Variants in NTM observed in about 807,000 individuals in gnomAD.
NTM encodes IgLON family member 2.
Under a neutral mutation model 42.1 loss-of-function variants are expected in NTM, and 13 were observed. The observed-to-expected ratio is 0.31, with a 90% CI of 0.20 to 0.49. The LOEUF is 0.49. Among genes scored for constraint, NTM ranks in the 20% least tolerant of loss-of-function variants. The pLI is 0.99. For synonymous variants in NTM, 187 were observed against 179.2 expected (o/e 1.04, Z -0.35); for missense variants, 373 against 452.8 (o/e 0.82, Z 1.60).
chr11:132,209,111 G>A (rs2082430374), intron 3 of NTM, among the ~76,000 whole-genome samples: 1 of 152,172 alleles, frequency 6.6e-6, no homozygotes, highest in Non-Finnish European at 1.5e-5. Flanking sequence ...ACATCAAAGT[G>A]TCTATTTTTG....
At position 132,002,865 on chromosome 11, in the gene NTM, C is replaced by T. The variant is rs1004294942; in HGVS notation, c.167+91217C>T. Among the ~76,000 whole-genome samples the T allele has an allele frequency of 2.7e-5, 4 of 148,648 alleles. No homozygotes were observed. The highest frequency in any genetic ancestry group is 5.9e-5 in the Non-Finnish European group (4 of 68,038). ...TTAAAGTCCTAGAACAAAGCCTGCACATAGCAAGCTCTTAGCCAATGTTAG... is the reference window on the plus strand; with the variant it reads ...TTAAAGTCCTAGAACAAAGCCTGCATATAGCAAGCTCTTAGCCAATGTTAG... On this transcript the variant is annotated intron_variant, in intron 2 of 8. Coordinates refer to ENST00000683400, the MANE Select transcript of NTM (RefSeq NM_001352005.2). The surrounding 1 kb of genome is among the most constrained non-coding windows in gnomAD (Gnocchi z 4.5).
chr11:132,113,617 G>C (rs937230106), intron 2 of NTM, among the ~76,000 whole-genome samples: 1 of 152,206 alleles, frequency 6.6e-6, no homozygotes, highest in African/African-American at 2.4e-5. Flanking sequence ...TGGGATGTGA[G>C]AGGCACTCCC....
At chr11:131,995,314 C>T (rs554157207) in intron 2 of NTM, among the ~76,000 whole-genome samples, 1 of 152,218 alleles carries the variant, frequency 6.6e-6, no homozygotes, top group African/African-American at 2.4e-5. Flanking sequence ...GATGCAAGCA[C>T]CCTTGCTCTG....
rs574751555 is a variant in NTM, at chr11:131,513,216, C to T, written c.82+142328C>T. Among the ~76,000 whole-genome samples the T allele has an allele frequency of 2.0e-5, 3 of 152,336 alleles. No homozygotes were observed. In the South Asian group the frequency reaches 6.2e-4, roughly 32 times the overall value. The stretch of plus-strand genomic sequence containing the variant: ...GCAAAGTGAGATCAATTCTTTCCAC[C>T]AGTAGATCCTGCTTTCCAGACAAAA... On this transcript the variant is annotated intron_variant, in intron 1 of 8. Transcript: ENST00000683400.
chr11:132,055,508 C>T (rs1434493897), intron 2 of NTM, among the ~76,000 whole-genome samples: 1 of 152,122 alleles, frequency 6.6e-6, no homozygotes, highest in Non-Finnish European at 1.5e-5. Context: ...GCACATTAAC[C>T]CTGTGGCATC....
chr11:131,732,938 ATTAT>A (rs1278942748), intron 1 of NTM, among the ~76,000 whole-genome samples: 4 of 152,168 alleles, frequency 2.6e-5, no homozygotes, highest in Admixed American at 6.5e-5. Flanking sequence ...GTCAGTGATT[ATTAT>A]TTATTAATTT....
At chr11:131,473,493 C>T (rs1952641780) in intron 1 of NTM, among the ~76,000 whole-genome samples, 2 of 152,282 alleles carry the variant, frequency 1.3e-5, no homozygotes, top group South Asian at 2.1e-4. Flanking sequence ...GGCAATACCA[C>T]ACGTAAAGAT....
chr11:131,553,405 G>A (rs975742440), intron 1 of NTM, among the ~76,000 whole-genome samples: 5 of 152,124 alleles, frequency 3.3e-5, no homozygotes, highest in African/African-American at 4.8e-5. Context: ...GACTTACCAC[G>A]CAGCTTCACC....
At chr11:132,044,995 GAAA>G (rs1441389025) in intron 2 of NTM, among the ~76,000 whole-genome samples, 1 of 152,142 alleles carries the variant, frequency 6.6e-6, no homozygotes, top group Non-Finnish European at 1.5e-5. Flanking sequence ...CCAAAAAATT[GAAA>G]AGAAGGGGAC....
intron 1 of NTM, among the ~76,000 whole-genome samples, chr11:131,616,522 G>A (rs551805985): frequency 2.8e-4 from 43 of 152,164 alleles, no homozygotes; most frequent in Non-Finnish European, 4.9e-4. Context: ...CTGGCTCAGG[G>A]AAACGTCTGC....
intron 1 of NTM, among the ~76,000 whole-genome samples, chr11:131,496,489 C>T (rs1031046285): frequency 2.0e-5 from 3 of 152,204 alleles, no homozygotes; most frequent in Non-Finnish European, 2.9e-5. Flanking sequence ...AGGCCAGGGC[C>T]GGCACAACCG....
intron 1 of NTM, among the ~76,000 whole-genome samples, chr11:131,735,228 A>G (rs1439206803): frequency 1.3e-5 from 2 of 152,214 alleles, no homozygotes; most frequent in African/African-American, 4.8e-5. Flanking sequence ...GCAAAGCTCC[A>G]AGGCACTCTT....
intron 3 of NTM, among the ~76,000 whole-genome samples, chr11:132,199,872 CGG>C (rs1222818524): frequency 1.3e-5 from 2 of 151,648 alleles, no homozygotes; most frequent in East Asian, 3.9e-4. Context: ...CCTCCAATCT[CGG>C]GGGGAGATAA....
intron 1 of NTM, among the ~76,000 whole-genome samples, chr11:131,635,069 G>C (rs928788304): frequency 2.0e-5 from 3 of 152,186 alleles, no homozygotes; most frequent in African/African-American, 7.2e-5. Flanking sequence ...CTGAAAACTT[G>C]CTATTGCCTA....
chr11:131,625,898 G>A (rs2063054963), intron 1 of NTM, among the ~76,000 whole-genome samples: 1 of 152,126 alleles, frequency 6.6e-6, no homozygotes, highest in African/African-American at 2.4e-5. Context: ...ATTTGTGGTT[G>A]TCACTCTCAT....
intron 2 of NTM, among the ~76,000 whole-genome samples, chr11:132,136,969 G>T (rs999034047): frequency 6.6e-6 from 1 of 152,152 alleles, no homozygotes; most frequent in Non-Finnish European, 1.5e-5. Context: ...GAGGAGCAAG[G>T]TAATTCCAGC....
chr11:132,179,767 C>T (rs2077292992), intron 3 of NTM, among the ~76,000 whole-genome samples: 1 of 152,050 alleles, frequency 6.6e-6, no homozygotes, highest in Admixed American at 6.6e-5. Context: ...GTATCTTTAC[C>T]AGCAGGGACT....
Position 131,396,981 on chromosome 11 carries a change from CTG to C in NTM, c.82+26096_82+26097del, listed in dbSNP as rs1309555452. On this transcript the variant is annotated intron_variant, in intron 1 of 8. Coordinates refer to ENST00000683400, the MANE Select transcript of NTM (RefSeq NM_001352005.2). ...TTAAGACGCCATGATCTAGTAAATC[CTG>C]TGATTTTATTGCTTTCCTGTGAGTC... Among the ~76,000 whole-genome samples the C allele has an allele frequency of 2.6e-5, 4 of 152,036 alleles. No individual in the cohort carries two copies. The East Asian group carries it at 7.7e-4, about 29-fold the overall frequency.
At chr11:131,660,473 G>A (rs2067858514) in intron 1 of NTM, 1 of 457,198 alleles carries the variant, frequency 2.2e-6, no homozygotes, top group African/African-American at 2.0e-5. Flanking sequence ...TCACCCTGCA[G>A]GGAGCTGACC....
Sources: allele counts gnomAD v4.1 joint callset (sites outside exome capture counted in the v4.1 genomes callset), GRCh38; gene constraint gnomAD v4.1.1; non-coding constraint Gnocchi (gnomAD v3.1); transcripts MANE v1.5; gene names NCBI Gene and HGNC (gene_info 2026-07-23, HGNC 2026-07-21).